Variants in RAB11FIP3 observed in about 807,000 individuals in gnomAD.
RAB11FIP3 encodes RAB11 family interacting protein 3.
In RAB11FIP3, 17 loss-of-function variants were observed where a neutral mutation model predicts 77.8. That is an observed-to-expected ratio of 0.22 (90% confidence interval 0.15 to 0.33). The LOEUF (loss-of-function observed/expected upper bound fraction) is 0.33, where lower values mean the gene tolerates loss of function less well. Ranked by LOEUF, RAB11FIP3 falls within the 10% of genes least tolerant of loss-of-function variation. RAB11FIP3 has a pLI of 1.00. For missense variants in RAB11FIP3, 1,005 were observed against 1,011.2 expected (o/e 0.99, Z 0.08); for synonymous variants, 437 against 448.2 (o/e 0.98, Z 0.31).
chr16:496,940 G>A, intron 6 of RAB11FIP3, 81 bp downstream of exon 6: 1 of 1,412,480 alleles, frequency 7.1e-7, no homozygotes, highest in Non-Finnish European at 9.9e-7. Context: ...ATTTTAAAAT[G>A]TTCTTTTCCA....
rs1412770273 is a variant in RAB11FIP3, at chr16:425,746, C to CCGCCGCCCGGATCCT, written c.-252_-238dup. 3.0e-6 allele frequency: 1 copy of CCGCCGCCCGGATCCT among 332,420 alleles called. No individual in the cohort carries two copies. The highest frequency in any genetic ancestry group is 2.2e-5 in the African/African-American group (1 of 46,044). 20.6% of individuals were successfully genotyped at this position (332,420 alleles called of 1,614,324 possible). On this transcript the variant is annotated 5_prime_UTR_variant, in exon 1 of 14. Coordinates refer to ENST00000262305, the MANE Select transcript of RAB11FIP3 (RefSeq NM_014700.4). ...CTCCTCGGCCCCCGTCCCCCGCCATCCGCCGCCCGGATCCTCGCCGCCCTC... is the reference window on the plus strand; with the variant it reads ...CTCCTCGGCCCCCGTCCCCCGCCATCCGCCGCCCGGATCCTCGCCGCCCGGATCCTCGCCGCCCTC...
chr16:511,515 C>A (rs1156472298), intron 9 of RAB11FIP3, among the ~76,000 whole-genome samples: 11 of 99,962 alleles, frequency 1.1e-4, no homozygotes, highest in African/African-American at 8.7e-5. Context: ...AACCCCAGAA[C>A]CTGCAGGCCA....
At chr16:486,559 A>C (rs1307676536) in intron 4 of RAB11FIP3, among the ~76,000 whole-genome samples, 1 of 152,188 alleles carries the variant, frequency 6.6e-6, no homozygotes, top group Non-Finnish European at 1.5e-5. Context: ...TTGTGGCTGG[A>C]TCTAACTGCT....
In RAB11FIP3 at chr16:461,432, C is replaced by T; in HGVS notation, c.743C>T (p.Pro248Leu). 1 of 1,613,844 alleles carries T rather than the reference C, an allele frequency of 6.2e-7. No homozygotes were observed. The highest frequency in any genetic ancestry group is 8.5e-7 in the Non-Finnish European group (1 of 1,179,908). The change falls in exon 2 of 14, where the codon CCC (proline) becomes CTC (leucine). Residue 248 changes from proline (P) to leucine (L), a missense_variant. Pro to Leu is a moderately conservative substitution (Grantham distance 98). Around this residue, in one of 4 missense-constraint regions of RAB11FIP3, gnomAD observed 466 missense variants for 408.3 expected, o/e 1.14. Coordinates refer to ENST00000262305, the MANE Select transcript of RAB11FIP3 (RefSeq NM_014700.4). The surrounding 1 kb of genome is among the most constrained non-coding windows in gnomAD (Gnocchi z 4.5). ...AAGGACTTAACTAAGTACTTGGATC[C>T]CAGTGGGCTCGGCGTGATCAGCTTT... The part of the protein sequence containing the change: ...QVKDLTKYLD[P>L]SGLGVISFED...
chr16:487,653 C>A (rs1020119178), intron 4 of RAB11FIP3, among the ~76,000 whole-genome samples: 2 of 152,118 alleles, frequency 1.3e-5, no homozygotes, highest in Non-Finnish European at 2.9e-5. Flanking sequence ...CAGCGCCGGG[C>A]CTGCACAGAA....
rs767282934 is a variant in RAB11FIP3 at position 496,818 on chromosome 16, G to A, written c.1266-6G>A. On this transcript the variant is annotated splice_polypyrimidine_tract_variant and splice_region_variant and intron_variant, in intron 5 of 13. Coordinates refer to ENST00000262305, the MANE Select transcript of RAB11FIP3 (RefSeq NM_014700.4). ...AATTTTCCTGTTTATTTTGTTTTCT[G>A]CACAGTCCGACAAAGCGGCTCTCCA... The A allele has an allele frequency of 1.0e-4, 163 of 1,590,608 alleles. No individual in the cohort carries two copies. Among genetic ancestry groups the A allele is most frequent in the Non-Finnish European group, 1.4e-4 (159 of 1,159,060 alleles).
At chr16:446,382 C>T (rs560786210) in intron 1 of RAB11FIP3, among the ~76,000 whole-genome samples, 22 of 152,166 alleles carry the variant, frequency 1.4e-4, no homozygotes, top group Admixed American at 8.5e-4. Flanking sequence ...TTTTAGGGGA[C>T]GACATTGCAG....
chr16:487,757 C>T (rs928294598), intron 4 of RAB11FIP3, among the ~76,000 whole-genome samples: 11 of 152,176 alleles, frequency 7.2e-5, no homozygotes, highest in Admixed American at 5.9e-4. Flanking sequence ...GGCCCCCGGC[C>T]GCTGTGTTTT....
chr16:456,829 G>A (rs2055512505), intron 1 of RAB11FIP3, among the ~76,000 whole-genome samples: 1 of 152,150 alleles, frequency 6.6e-6, no homozygotes, highest in Non-Finnish European at 1.5e-5. Flanking sequence ...GGGAACAGCA[G>A]GGAAAGCCCT....
intron 2 of RAB11FIP3, among the ~76,000 whole-genome samples, chr16:467,477 GGGACGTCAGGGAGGAGGTGCA>G (rs1163390273): frequency 4.7e-5 from 7 of 150,444 alleles, no homozygotes; most frequent in African/African-American, 1.2e-4. Context: ...AGGAGGTGCT[GGGACGTCAGGGAGGAGGTGCA>G]GGGGCGTCAG....
intron 5 of RAB11FIP3, among the ~76,000 whole-genome samples, chr16:496,165 C>T (rs1038119669): frequency 6.6e-6 from 1 of 152,124 alleles, no homozygotes; most frequent in African/African-American, 2.4e-5. Flanking sequence ...GTTCCCAGGC[C>T]CCAGGGGTGA....
chr16:477,487 C>CA (rs1176861204), intron 3 of RAB11FIP3: 10 of 304,694 alleles, frequency 3.3e-5, no homozygotes, highest in African/African-American at 2.0e-4. Context: ...CCTGCCCCGT[C>CA]ATGCCTTCCC....
At chr16:441,216 A>G (rs2141861053) in intron 1 of RAB11FIP3, among the ~76,000 whole-genome samples, 1 of 152,310 alleles carries the variant, frequency 6.6e-6, no homozygotes, top group Middle Eastern at 3.4e-3. Context: ...TGCTGGGATT[A>G]TAGGCCACCG....
chr16:499,589 A>T (rs1001943433), intron 6 of RAB11FIP3, among the ~76,000 whole-genome samples: 5 of 152,162 alleles, frequency 3.3e-5, no homozygotes, highest in Admixed American at 1.3e-4. Context: ...CGAGGTCAGG[A>T]GTTCAAGAAC....
At chr16:473,207 G>A (rs185736027) in intron 3 of RAB11FIP3, among the ~76,000 whole-genome samples, 5 of 152,338 alleles carry the variant, frequency 3.3e-5, no homozygotes, top group African/African-American at 9.6e-5. Context: ...AAAGGCCCAC[G>A]TGGTCTGAAG....
In RAB11FIP3 at chr16:522,728, C is replaced by T. The variant is rs1293120901; in HGVS notation, c.*1889C>T. 1 of 152,360 alleles carries T rather than the reference C, an allele frequency of 6.6e-6. No individual in the cohort carries two copies. The highest frequency in any genetic ancestry group is 1.5e-5 in the Non-Finnish European group (1 of 68,172). 9.4% of individuals were successfully genotyped at this position (152,360 alleles called of 1,614,324 possible). Reference sequence around the variant, plus strand: ...GGATCCTGACGAGCTGCTGAGACAGCATCAAGGTGGGGCAGGTGGGGCGGG... The same window carrying T: ...GGATCCTGACGAGCTGCTGAGACAGTATCAAGGTGGGGCAGGTGGGGCGGG... On this transcript the variant is annotated 3_prime_UTR_variant, in exon 14 of 14. Coordinates refer to ENST00000262305, the MANE Select transcript of RAB11FIP3 (RefSeq NM_014700.4).
chr16:520,115 C>G lies in RAB11FIP3; in HGVS notation c.1861-7C>G. 1 of 1,545,458 alleles carries G rather than the reference C, an allele frequency of 6.5e-7. No individual in the cohort carries two copies. The highest frequency in any genetic ancestry group is 8.7e-7 in the Non-Finnish European group (1 of 1,147,178). On this transcript the variant is annotated splice_polypyrimidine_tract_variant and splice_region_variant and intron_variant, in intron 11 of 13. Transcript: ENST00000262305. Reference sequence around the variant, plus strand: ...GCCCCCCGGCTCACTGCACGGTTGCCCTGCAGCTGATCGAGGACCTCCGAA... The same window carrying G: ...GCCCCCCGGCTCACTGCACGGTTGCGCTGCAGCTGATCGAGGACCTCCGAA...
At chr16:501,118 G>A (rs747379994) in intron 6 of RAB11FIP3, among the ~76,000 whole-genome samples, 3 of 152,220 alleles carry the variant, frequency 2.0e-5, no homozygotes, top group Non-Finnish European at 4.4e-5. Flanking sequence ...GGAAAAAGAT[G>A]GAAATGTTCA....
At chr16:456,833 A>G (rs2055512584) in intron 1 of RAB11FIP3, among the ~76,000 whole-genome samples, 1 of 152,204 alleles carries the variant, frequency 6.6e-6, no homozygotes, top group South Asian at 2.1e-4. Context: ...ACAGCAGGGA[A>G]AGCCCTTTGT....
Sources: gnomAD v4.1 joint callset for allele counts (sites outside exome capture counted in the v4.1 genomes callset) on GRCh38, gnomAD v4.1.1 for gene constraint, gnomAD v4.1.1 regional missense constraint, Gnocchi (gnomAD v3.1) non-coding constraint, MANE v1.5 for transcripts, NCBI Gene and HGNC (gene_info 2026-07-23, HGNC 2026-07-21) for gene names.